BCL9: variants seen among roughly 807,000 people sequenced by gnomAD.
BCL9 encodes the protein BCL9 transcription coactivator, also known as B-cell CLL/lymphoma 9 protein.
In BCL9, 25 loss-of-function variants were observed where a neutral mutation model predicts 88.5. The ratio of observed to expected loss-of-function variants is 0.28; its 90% CI spans 0.21 to 0.39. BCL9 has a LOEUF of 0.39. Ranked by LOEUF, BCL9 falls within the 10% of genes least tolerant of loss-of-function variation. The pLI, the probability that BCL9 is intolerant of heterozygous loss-of-function variation, is 1.00. For missense variants in BCL9, 1,817 were observed against 1,877.8 expected, an observed-to-expected ratio of 0.97 and a Z score of 0.60; for synonymous variants, 711 against 673.3, an observed-to-expected ratio of 1.06 and a Z score of -0.87.
chr1:147,604,503 T>C (rs1470607460), intron 1 of BCL9, among the ~76,000 whole-genome samples: 2 of 152,212 alleles, frequency 1.3e-5, no homozygotes, highest in Admixed American at 6.5e-5. Flanking sequence ...GAGGCTTTTG[T>C]ATCTGGTGGC....
At chr1:147,609,293 A>T (rs1312642709) in intron 3 of BCL9, among the ~76,000 whole-genome samples, 1 of 152,226 alleles carries the variant, frequency 6.6e-6, no homozygotes, top group Non-Finnish European at 1.5e-5. Flanking sequence ...TTTTTTGCTC[A>T]GTCGTTTTTA....
intron 6 of BCL9, 88 bp downstream of exon 6, chr1:147,614,704 C>A: frequency 7.4e-7 from 1 of 1,356,892 alleles, no homozygotes; most frequent in Admixed American, 2.7e-5. Flanking sequence ...CTTTTATTAT[C>A]ACCTAAAGTT....
intron 1 of BCL9, among the ~76,000 whole-genome samples, chr1:147,579,787 G>A (rs2101547311): frequency 6.6e-6 from 1 of 152,276 alleles, no homozygotes; most frequent in East Asian, 1.9e-4. Context: ...TATCCCAACG[G>A]CACTCACAGG....
chr1:147,582,928 C>A (rs1656431252), intron 1 of BCL9, among the ~76,000 whole-genome samples: 2 of 152,194 alleles, frequency 1.3e-5, no homozygotes, highest in Non-Finnish European at 2.9e-5. Flanking sequence ...CATACTAACA[C>A]TGAACACTGG....
chr1:147,565,483 G>A (rs1553196571), intron 1 of BCL9, among the ~76,000 whole-genome samples: 1 of 152,202 alleles, frequency 6.6e-6, no homozygotes, highest in Non-Finnish European at 1.5e-5. Context: ...CTGGCCAAGT[G>A]CTGTTGGTGA....
chr1:147,581,543 G>GT (rs1656370814), intron 1 of BCL9, among the ~76,000 whole-genome samples: 2 of 152,188 alleles, frequency 1.3e-5, no homozygotes, highest in Admixed American at 1.3e-4. Flanking sequence ...ACCGAAGGTT[G>GT]TTTTTTGGTC....
At chr1:147,552,934 A>G (rs782594031) in intron 1 of BCL9, among the ~76,000 whole-genome samples, 1 of 151,760 alleles carries the variant, frequency 6.6e-6, no homozygotes, top group South Asian at 2.1e-4. Context: ...TCATTTATTC[A>G]TCTACTCTTT....
chr1:147,545,963 C>T (rs1464358471), intron 1 of BCL9, among the ~76,000 whole-genome samples: 2 of 152,158 alleles, frequency 1.3e-5, no homozygotes, highest in Non-Finnish European at 2.9e-5. Flanking sequence ...TAGGCCATCT[C>T]TGCAAGAGAT....
At position 147,615,851 on chromosome 1, in the gene BCL9, C is replaced by T. The variant is rs781872210; in HGVS notation, c.609C>T (p.Phe203=). ...LKGQVETIVS[F]HIQNISNNKT... ...GCCAGGTTGAAACTATCGTCTCTTT[C>T]CACATCCAGAACATTTCTAACAACA... Residue 203 remains phenylalanine, a synonymous_variant, in exon 7 of 10, where the codon TTC becomes TTT. Coordinates refer to ENST00000234739, the MANE Select transcript of BCL9 (RefSeq NM_004326.4). 7 of 1,614,074 alleles carry T rather than the reference C, an allele frequency of 4.3e-6. No individual in the cohort carries two copies. The highest frequency in any genetic ancestry group is 3.3e-4 in the Middle Eastern group (2 of 6,084).
At chr1:147,623,029 C>T (rs1435584938) in intron 9 of BCL9, among the ~76,000 whole-genome samples, 1 of 151,638 alleles carries the variant, frequency 6.6e-6, no homozygotes, top group Non-Finnish European at 1.5e-5. Flanking sequence ...ATTCGGTACA[C>T]CTTCATTCCT....
At chr1:147,587,097 C>G (rs1656645895) in intron 1 of BCL9, among the ~76,000 whole-genome samples, 1 of 151,918 alleles carries the variant, frequency 6.6e-6, no homozygotes, top group Admixed American at 6.6e-5. Context: ...TAAACTTACC[C>G]TGCTAGACCC....
rs369375635 is a variant in BCL9 at position 147,620,380 on chromosome 1, C to T, written c.2225C>T (p.Ala742Val). The T allele has an allele frequency of 1.9e-5, 31 of 1,613,920 alleles. No individual in the cohort carries two copies. The highest frequency in any genetic ancestry group is 2.7e-5 in the African/African-American group (2 of 74,928). ...MIPQKMREAG[A>V]GPEEMLKLRP... ...CCTCAGAAGATGAGAGAGGCTGGGG[C>T]GGGCCCTGAGGAGATGCTGAAATTA... Residue 742 changes from alanine to valine, a missense_variant, in exon 8 of 10, where the codon GCG (alanine) becomes GTG (valine). Ala to Val is a moderately conservative substitution (Grantham distance 64). Transcript: ENST00000234739.
In BCL9 at chr1:147,563,781, T is replaced by C. The variant is rs782518433; in HGVS notation, c.-478+22107T>C. Among the ~76,000 whole-genome samples the C allele has an allele frequency of 2.0e-5, 3 of 152,336 alleles. No individual in the cohort carries two copies. In the East Asian group the frequency reaches 5.8e-4, roughly 29 times the overall value. On this transcript the variant is annotated intron_variant, in intron 1 of 9. Coordinates refer to ENST00000234739, the MANE Select transcript of BCL9 (RefSeq NM_004326.4). ...TATAGAGTCAGCAGCACTTTAATAA[T>C]GTAAAATATTAACAACCACTACTCA...
chr1:147,562,126 C>A (rs917835286), intron 1 of BCL9, among the ~76,000 whole-genome samples: 1 of 152,034 alleles, frequency 6.6e-6, no homozygotes, highest in Non-Finnish European at 1.5e-5. Flanking sequence ...GTCGGGAGTT[C>A]AAGACCAGCC....
intron 1 of BCL9, among the ~76,000 whole-genome samples, chr1:147,594,619 A>G (rs1486880651): frequency 6.6e-6 from 1 of 152,226 alleles, no homozygotes; most frequent in Non-Finnish European, 1.5e-5. Context: ...AATTGGAGAG[A>G]GACAAGATCA....
chr1:147,560,319 G>T (rs587595227), intron 1 of BCL9, among the ~76,000 whole-genome samples: 1 of 152,108 alleles, frequency 6.6e-6, no homozygotes, highest in Non-Finnish European at 1.5e-5. Context: ...GCCGGGCGCG[G>T]TGGCTCACAC....
chr1:147,547,996 A>G lies in BCL9; in HGVS notation c.-478+6322A>G, dbSNP rs587722563. Among the ~76,000 whole-genome samples, 9 of 152,350 alleles carry G rather than the reference A, an allele frequency of 5.9e-5. No individual in the cohort carries two copies. The South Asian group carries it at 1.9e-3, about 32-fold the overall frequency. On this transcript the variant is annotated intron_variant, in intron 1 of 9. Transcript: ENST00000234739. ...AACTTTGGAGAGCTTTAGTAATTCC[A>G]TGAAAATCACAATCACTCTTTTTCC...
chr1:147,607,779 G>A (rs1213323527), intron 3 of BCL9, among the ~76,000 whole-genome samples: 1 of 152,096 alleles, frequency 6.6e-6, no homozygotes, highest in Non-Finnish European at 1.5e-5. Flanking sequence ...AAGGAAAAAG[G>A]TTTCAGGAGG....
intron 1 of BCL9, among the ~76,000 whole-genome samples, chr1:147,543,315 C>T (rs1654416426): frequency 6.6e-6 from 1 of 152,224 alleles, no homozygotes; most frequent in African/African-American, 2.4e-5. Context: ...CTGTAAAAGT[C>T]TAGGAGGCTG....
Sources: allele counts gnomAD v4.1 joint callset (sites outside exome capture counted in the v4.1 genomes callset), GRCh38; gene constraint gnomAD v4.1.1; transcripts MANE v1.5; gene names NCBI Gene and HGNC (gene_info 2026-07-23, HGNC 2026-07-21).